Variants in CDH8 observed in about 807,000 individuals in gnomAD.
The protein encoded by CDH8 is cadherin 8.
CDH8 carries 17 observed loss-of-function variants against 68.1 expected under a neutral mutation model. The observed-to-expected ratio is 0.25, with a 90% CI of 0.17 to 0.37. The LOEUF (loss-of-function observed/expected upper bound fraction) is 0.37. Ranked by LOEUF, CDH8 falls within the 10% of genes least tolerant of loss-of-function variation. The pLI is 1.00. For missense variants in CDH8, 763 were observed against 999.3 expected, an observed-to-expected ratio of 0.76 and a Z score of 3.19; for synonymous variants, 372 against 365.1, an observed-to-expected ratio of 1.02 and a Z score of -0.21.
intron 2 of CDH8, among the ~76,000 whole-genome samples, chr16:62,009,598 G>A (rs114099549): frequency 0.02 from 3,091 of 152,042 alleles, 107 homozygotes; most frequent in African/African-American, 0.071. Context: ...TGGTGTTCTG[G>A]GATTCTCACT....
chr16:61,961,164 A>C (rs772583699), intron 2 of CDH8, among the ~76,000 whole-genome samples: 2 of 151,946 alleles, frequency 1.3e-5, no homozygotes, highest in African/African-American at 4.8e-5. Context: ...AAAAATACAA[A>C]ATTAGCCAGG....
intron 2 of CDH8, among the ~76,000 whole-genome samples, chr16:61,987,071 G>T (rs1965642233): frequency 6.6e-6 from 1 of 152,232 alleles, no homozygotes; most frequent in Non-Finnish European, 1.5e-5. Context: ...ACAGGAGGAA[G>T]ATGGTGTCTC....
chr16:61,895,940 G>A (rs555960930), intron 3 of CDH8, among the ~76,000 whole-genome samples: 1 of 152,042 alleles, frequency 6.6e-6, no homozygotes, highest in East Asian at 1.9e-4. Context: ...GATGGTTTAT[G>A]CCACTTACGC....
intron 5 of CDH8, among the ~76,000 whole-genome samples, chr16:61,823,302 C>T (rs1962257227): frequency 6.6e-6 from 1 of 151,812 alleles, no homozygotes; most frequent in African/African-American, 2.4e-5. Context: ...CTGTCTCTCC[C>T]CACCCCACCT....
chr16:61,916,384 G>A (rs566647310), intron 2 of CDH8, among the ~76,000 whole-genome samples: 17 of 152,118 alleles, frequency 1.1e-4, no homozygotes, highest in Non-Finnish European at 1.5e-4. Context: ...GTGTGGTGGC[G>A]CATGCCTGAC....
At chr16:61,807,764 G>A (rs140953046) in intron 7 of CDH8, among the ~76,000 whole-genome samples, 9 of 152,258 alleles carry the variant, frequency 5.9e-5, no homozygotes, top group Non-Finnish European at 7.4e-5. Context: ...TTGGCATGAC[G>A]TAGTACTCCT....
chr16:61,846,948 T>C (rs375215231), intron 4 of CDH8, among the ~76,000 whole-genome samples: 139 of 152,250 alleles, frequency 9.1e-4, no homozygotes, highest in African/African-American at 3.2e-3. Context: ...GGCGCATCTT[T>C]ATGTTCCTGG....
chr16:61,858,557 A>C (rs1268544580), intron 3 of CDH8, among the ~76,000 whole-genome samples: 1 of 152,232 alleles, frequency 6.6e-6, no homozygotes, highest in Non-Finnish European at 1.5e-5. Flanking sequence ...CTGACGATTT[A>C]ATGAGAAACA....
At chr16:61,853,053 C>T (rs146210707) in intron 4 of CDH8, among the ~76,000 whole-genome samples, 1 of 151,980 alleles carries the variant, frequency 6.6e-6, no homozygotes, top group African/African-American at 2.4e-5. Flanking sequence ...ACCTTGCACT[C>T]TAGCATGGTA....
At chr16:61,792,859 G>T (rs1020608993) in intron 7 of CDH8, among the ~76,000 whole-genome samples, 1 of 151,790 alleles carries the variant, frequency 6.6e-6, no homozygotes, top group Non-Finnish European at 1.5e-5. Context: ...CAGTGTGAAG[G>T]GCCCTCATAT....
At chr16:61,905,698 C>T (rs1285618169) in intron 2 of CDH8, among the ~76,000 whole-genome samples, 1 of 151,894 alleles carries the variant, frequency 6.6e-6, no homozygotes, top group Non-Finnish European at 1.5e-5. Context: ...AAGAGAGGAA[C>T]TGGGGACTGT....
At chr16:61,831,927 C>A (rs1304268802) in intron 4 of CDH8, among the ~76,000 whole-genome samples, 4 of 151,750 alleles carry the variant, frequency 2.6e-5, no homozygotes, top group African/African-American at 9.7e-5. Flanking sequence ...ATTCAGTGTA[C>A]AATTATCATT....
chr16:61,747,807 A>G (rs1368272605), intron 8 of CDH8, among the ~76,000 whole-genome samples: 1 of 152,100 alleles, frequency 6.6e-6, no homozygotes, highest in South Asian at 2.1e-4. Flanking sequence ...GAAGAAATCC[A>G]CTGTAACTAA....
Position 61,858,068 on chromosome 16 carries a change from A to AAC in CDH8, c.548-832_548-831dup, listed in dbSNP as rs371499529. On this transcript the variant is annotated intron_variant, in intron 3 of 11. Transcript: ENST00000577390. Reference sequence around the variant, plus strand: ...TTGTTGGCAGACATGTAAATAATCAAACACACACACACACACACACATACA... The same window carrying AAC: ...TTGTTGGCAGACATGTAAATAATCAAACACACACACACACACACACACATACA... Among the ~76,000 whole-genome samples, 740 of 148,928 alleles carry AAC rather than the reference A, an allele frequency of 5.0e-3. 7 individuals are homozygous for AAC. Among genetic ancestry groups the AAC allele is most frequent in the African/African-American group, 0.013 (519 of 40,758 alleles).
At chr16:61,979,060 A>G (rs1274854787) in intron 2 of CDH8, among the ~76,000 whole-genome samples, 1 of 152,106 alleles carries the variant, frequency 6.6e-6, no homozygotes, top group Non-Finnish European at 1.5e-5. Flanking sequence ...AGAAAGAAAA[A>G]AAAAAAAAGC....
At chr16:61,992,077 TGAGA>T (rs1555527811) in intron 2 of CDH8, among the ~76,000 whole-genome samples, 2 of 144,126 alleles carry the variant, frequency 1.4e-5, no homozygotes, top group Non-Finnish European at 3.0e-5. Flanking sequence ...TGTGTGTGTG[TGAGA>T]GAGAGAGAGA....
At chr16:61,964,334 G>A (rs1382117488) in intron 2 of CDH8, among the ~76,000 whole-genome samples, 1 of 152,160 alleles carries the variant, frequency 6.6e-6, no homozygotes, top group Non-Finnish European at 1.5e-5. Flanking sequence ...CACCAGGTGG[G>A]AACCGCCCAG....
intron 1 of CDH8, among the ~76,000 whole-genome samples, chr16:62,022,215 G>A (rs1165390734): frequency 6.6e-6 from 1 of 152,118 alleles, no homozygotes; most frequent in Non-Finnish European, 1.5e-5. Context: ...GGATTCATCA[G>A]AAGGGATTGC....
At chr16:61,928,716 T>C (rs1274284753) in intron 2 of CDH8, among the ~76,000 whole-genome samples, 3 of 152,200 alleles carry the variant, frequency 2.0e-5, no homozygotes, top group African/African-American at 7.2e-5. Flanking sequence ...AAGGACTCTT[T>C]ATAGGTGCTG....
Sources: gnomAD v4.1 joint callset for allele counts (sites outside exome capture counted in the v4.1 genomes callset) on GRCh38, gnomAD v4.1.1 for gene constraint, MANE v1.5 for transcripts, NCBI Gene and HGNC (gene_info 2026-07-23, HGNC 2026-07-21) for gene names.